YIPF7: variants seen among roughly 807,000 people sequenced by gnomAD.
YIPF7 encodes the protein Yip1 domain family member 7, also known as protein YIPF7.
YIPF7 carries 35 observed loss-of-function variants against 27.2 expected under a neutral mutation model. That is an observed-to-expected ratio of 1.29 (90% CI 0.98 to 1.70). The LOEUF (loss-of-function observed/expected upper bound fraction) is 1.70, where lower values mean the gene tolerates loss of function less well. Ranked by LOEUF, YIPF7 falls within the 40% of genes most tolerant of loss-of-function variation. The probability of loss-of-function intolerance (pLI) is 0.00; values close to 1 mark genes in which losing one functional copy is unlikely to be tolerated. For synonymous variants in YIPF7, 137 were observed against 110.4 expected, an observed-to-expected ratio of 1.24 and a Z score of -1.51; for missense variants, 358 against 303.7, an observed-to-expected ratio of 1.18 and a Z score of -1.33.
chr4:44,624,792 C>A lies in YIPF7; in HGVS notation c.427-10G>T. ...ACTGAACTTTTCCTGCCTGAAACGA[C>A]GTGAAGAAAAAACAGTTTGAACACA... On this transcript the variant is annotated splice_polypyrimidine_tract_variant and intron_variant, in intron 4 of 5. Transcript: ENST00000415895. The A allele has an allele frequency of 6.3e-7, 1 of 1,596,710 alleles. No individual in the cohort carries two copies. Among genetic ancestry groups the A allele is most frequent in the Non-Finnish European group, 8.5e-7 (1 of 1,172,918 alleles).
At chr4:44,644,446 G>T (rs370819064) in intron 2 of YIPF7, among the ~76,000 whole-genome samples, 2 of 152,188 alleles carry the variant, frequency 1.3e-5, no homozygotes, top group African/African-American at 4.8e-5. Flanking sequence ...TGGGCTGTGG[G>T]TTGGACAAAT....
chr4:44,650,507 G>GCACACACACACACACA (rs3040316), intron 1 of YIPF7, among the ~76,000 whole-genome samples: 3 of 137,086 alleles, frequency 2.2e-5, no homozygotes, highest in African/African-American at 5.4e-5. Context: ...GCGCGCGCGC[G>GCACACACACACACACA]CACACACACA....
chr4:44,641,905 C>T (rs911838135), intron 2 of YIPF7, among the ~76,000 whole-genome samples: 1 of 152,136 alleles, frequency 6.6e-6, no homozygotes, highest in Non-Finnish European at 1.5e-5. Context: ...AAAATAGGCA[C>T]ATCATCAAAA....
At chr4:44,644,526 A>G (rs577920741) in intron 2 of YIPF7, among the ~76,000 whole-genome samples, 1 of 152,092 alleles carries the variant, frequency 6.6e-6, no homozygotes, top group African/African-American at 2.4e-5. Context: ...TTTTTGGCCA[A>G]TTTATCCCTT....
chr4:44,660,135 A>C (rs1376633737), intron 2 of YIPF7, among the ~76,000 whole-genome samples: 3 of 147,886 alleles, frequency 2.0e-5, no homozygotes, highest in African/African-American at 7.4e-5. Context: ...AAAAAAAAAA[A>C]ACGAACCTTA....
intron 1 of YIPF7, among the ~76,000 whole-genome samples, 157 bp downstream of exon 1, chr4:44,651,397 G>C (rs1388310): frequency 0.74 from 113,234 of 152,092 alleles, 42,550 homozygotes; most frequent in Admixed American, 0.81. Flanking sequence ...TGAAAATATG[G>C]TATTATAAAG....
At chr4:44,637,590 TA>T (rs1713173323) in intron 2 of YIPF7, among the ~76,000 whole-genome samples, 2 of 152,140 alleles carry the variant, frequency 1.3e-5, no homozygotes, top group African/African-American at 2.4e-5. Context: ...TTTTCTTTTT[TA>T]AAAAAATTTT....
intron 5 of YIPF7, among the ~76,000 whole-genome samples, chr4:44,623,470 T>C (rs1046363593): frequency 5.9e-5 from 9 of 152,320 alleles, no homozygotes; most frequent in Admixed American, 4.6e-4. Flanking sequence ...TAAACTGCCT[T>C]ACTTGATCTT....
chr4:44,646,804 A>AAG (rs1214199700), intron 2 of YIPF7, among the ~76,000 whole-genome samples: 1 of 152,116 alleles, frequency 6.6e-6, no homozygotes, highest in African/African-American at 2.4e-5. Context: ...GGCGTGAAGG[A>AAG]AGAGAGAGAG....
chr4:44,633,246 G>A (rs977893561), intron 3 of YIPF7, among the ~76,000 whole-genome samples: 1 of 152,066 alleles, frequency 6.6e-6, no homozygotes, highest in South Asian at 2.1e-4. Flanking sequence ...AATACACTAT[G>A]TATTTTGGGG....
chr4:44,661,315 T>C (rs1245978325), intron 1 of YIPF7, among the ~76,000 whole-genome samples: 2 of 152,202 alleles, frequency 1.3e-5, no homozygotes, highest in Non-Finnish European at 2.9e-5. Context: ...GGGCACATCT[T>C]GTGAACCCTC....
intron 1 of YIPF7, 101 bp downstream of exon 1, chr4:44,651,453 C>T: frequency 1.6e-6 from 1 of 636,206 alleles, no homozygotes; most frequent in Middle Eastern, 4.6e-4. Flanking sequence ...TCATAACATG[C>T]AAAGCTTTAT....
intron 3 of YIPF7, among the ~76,000 whole-genome samples, chr4:44,634,361 T>G (rs1713031324): frequency 6.6e-6 from 1 of 151,980 alleles, no homozygotes; most frequent in Non-Finnish European, 1.5e-5. Flanking sequence ...GGCAAAGCCC[T>G]GTCTCTACTA....
At chr4:44,628,802 T>C (rs1167693380) in intron 4 of YIPF7, among the ~76,000 whole-genome samples, 1 of 152,168 alleles carries the variant, frequency 6.6e-6, no homozygotes, top group Non-Finnish European at 1.5e-5. Flanking sequence ...AATGAAAGCA[T>C]ACATAAGACA....
rs138862978 is a variant in YIPF7 at position 44,635,222 on chromosome 4, A to G, written c.280+700T>C. ...CTTGGGTTTTAGCGTCTTAACGCCT[A>G]TGTTTCCAGCATTGTATTAACATTG... On this transcript the variant is annotated intron_variant, in intron 3 of 5. Transcript: ENST00000415895. 4.3e-4 allele frequency among the ~76,000 whole-genome samples: 66 copies of G among 152,240 alleles called. 2 individuals carry two copies. The East Asian group carries it at 0.01, about 24-fold the overall frequency.
chr4:44,641,403 A>G (rs1713321409), intron 2 of YIPF7, among the ~76,000 whole-genome samples: 1 of 152,166 alleles, frequency 6.6e-6, no homozygotes, highest in Admixed American at 6.5e-5. Context: ...CCAAGCCATA[A>G]TACCTCTTTG....
At chr4:44,627,187 A>G (rs952883766) in intron 4 of YIPF7, among the ~76,000 whole-genome samples, 4 of 152,128 alleles carry the variant, frequency 2.6e-5, no homozygotes, top group African/African-American at 9.7e-5. Flanking sequence ...GAAAAGTTAC[A>G]TGGAGCAAAA....
At chr4:44,642,369 T>C (rs1181037005) in intron 2 of YIPF7, among the ~76,000 whole-genome samples, 1 of 152,232 alleles carries the variant, frequency 6.6e-6, no homozygotes, top group East Asian at 1.9e-4. Flanking sequence ...CACATAATTA[T>C]TCATAAAATT....
At chr4:44,645,917 A>G (rs1306072074) in intron 2 of YIPF7, among the ~76,000 whole-genome samples, 1 of 152,158 alleles carries the variant, frequency 6.6e-6, no homozygotes, top group Non-Finnish European at 1.5e-5. Flanking sequence ...AAATAGAATA[A>G]AGGCAGCAAG....
Sources: allele counts gnomAD v4.1 joint callset (sites outside exome capture counted in the v4.1 genomes callset), GRCh38; gene constraint gnomAD v4.1.1; transcripts MANE v1.5; gene names NCBI Gene and HGNC (gene_info 2026-07-23, HGNC 2026-07-21).